The following CUX2 variants were observed in gnomAD, a reference collection of about 807,000 sequenced individuals.
CUX2 encodes the protein cut like homeobox 2.
A neutral mutation model predicts 144.8 loss-of-function variants in CUX2; 40 were observed. The observed-to-expected ratio is 0.28, with a 90% CI of 0.21 to 0.36. The LOEUF (loss-of-function observed/expected upper bound fraction) is 0.36. Ranked by LOEUF, CUX2 falls within the 10% of genes least tolerant of loss-of-function variation. CUX2 has a pLI of 1.00. For synonymous variants in CUX2, 827 were observed against 875.6 expected (o/e 0.94, Z 0.98); for missense variants, 1,615 against 1,994.0 (o/e 0.81, Z 3.62).
intron 2 of CUX2, among the ~76,000 whole-genome samples, chr12:111,217,043 A>C (rs777369619): frequency 1.3e-4 from 20 of 152,160 alleles, no homozygotes; most frequent in Non-Finnish European, 2.9e-4. Flanking sequence ...CTGGAGGATT[A>C]GGGTTGGAGT....
intron 1 of CUX2, among the ~76,000 whole-genome samples, chr12:111,137,575 C>T (rs762087183): frequency 6.6e-6 from 1 of 151,992 alleles, no homozygotes; most frequent in Non-Finnish European, 1.5e-5. Context: ...TGCAGTGGCC[C>T]AATCACAGTT....
At chr12:111,335,445 T>A (rs1362279789) in intron 19 of CUX2, among the ~76,000 whole-genome samples, 1 of 150,934 alleles carries the variant, frequency 6.6e-6, no homozygotes, top group Non-Finnish European at 1.5e-5. Flanking sequence ...GCCCGGTGCC[T>A]CACGCCTGTA....
intron 1 of CUX2, among the ~76,000 whole-genome samples, chr12:111,177,318 A>G (rs1411859994): frequency 2.0e-5 from 3 of 152,038 alleles, no homozygotes; most frequent in East Asian, 3.9e-4. Context: ...CCCTGCAGCC[A>G]TCTCTGCAAA....
At chr12:111,188,982 T>G (rs1879718721) in intron 1 of CUX2, among the ~76,000 whole-genome samples, 1 of 152,080 alleles carries the variant, frequency 6.6e-6, no homozygotes, top group South Asian at 2.1e-4. Flanking sequence ...CCCCAGAATA[T>G]TCACACAGAA....
In CUX2 at chr12:111,061,441, C is replaced by CT. The variant is rs1182850776; in HGVS notation, c.63+27206dup. On this transcript the variant is annotated intron_variant, in intron 1 of 21. Coordinates refer to ENST00000261726, the MANE Select transcript of CUX2 (RefSeq NM_015267.4). The surrounding 1 kb of genome is among the most constrained non-coding windows in gnomAD (Gnocchi z 4.2). ...CCCACGACTGCAAGTGAAAGAAGGG[C>CT]TTTTTAAAAGTAATTTTGCATTATG... Among the ~76,000 whole-genome samples, 1 of 152,090 alleles carries CT rather than the reference C, an allele frequency of 6.6e-6. No homozygotes were observed. Among genetic ancestry groups the CT allele is most frequent in the East Asian group, 1.9e-4 (1 of 5,190 alleles).
At chr12:111,276,732 C>A (rs192899166) in intron 4 of CUX2, among the ~76,000 whole-genome samples, 6 of 152,322 alleles carry the variant, frequency 3.9e-5, no homozygotes, top group East Asian at 1.9e-4. Context: ...CGGCTCACTG[C>A]AACCTCCTGG....
intron 7 of CUX2, among the ~76,000 whole-genome samples, chr12:111,296,147 C>A (rs1204455281): frequency 6.6e-6 from 1 of 152,060 alleles, no homozygotes; most frequent in Non-Finnish European, 1.5e-5. Flanking sequence ...GGGCTTATAC[C>A]CCAGGTCATG....
intron 1 of CUX2, among the ~76,000 whole-genome samples, chr12:111,166,449 C>G (rs552878722): frequency 1.3e-5 from 2 of 152,172 alleles, no homozygotes; most frequent in Non-Finnish European, 1.5e-5. Context: ...ATGGTAATAC[C>G]CAAACTAACA....
intron 3 of CUX2, among the ~76,000 whole-genome samples, chr12:111,244,084 C>A (rs188391137): frequency 6.6e-6 from 1 of 151,728 alleles, no homozygotes; most frequent in Non-Finnish European, 1.5e-5. Context: ...GGGTTATTAG[C>A]TTTTTGGGTT....
intron 3 of CUX2, among the ~76,000 whole-genome samples, chr12:111,236,868 G>A (rs141788112): frequency 5.9e-5 from 9 of 152,182 alleles, no homozygotes; most frequent in African/African-American, 1.7e-4. Flanking sequence ...CGGCAAAAGC[G>A]GCTGGGTGCA....
Position 111,295,215 on chromosome 12 carries a change from C to G in CUX2, c.561-118C>G. On this transcript the variant is annotated intron_variant, in intron 6 of 21. Coordinates refer to ENST00000261726, the MANE Select transcript of CUX2 (RefSeq NM_015267.4). This position sits in a 1 kb window ranked among gnomAD's most constrained non-coding sequence, Gnocchi z 5.0. ...TCGTGTCTAAGGACTTGCAGAAAGA[C>G]AGAGGTGCAGGTTACAGGGAGTGGG... 1 of 750,146 alleles carries G rather than the reference C, an allele frequency of 1.3e-6. No homozygotes were observed. Among genetic ancestry groups the G allele is most frequent in the Non-Finnish European group, 2.2e-6 (1 of 460,698 alleles). 46.5% of individuals were successfully genotyped at this position (750,146 alleles called of 1,614,324 possible).
chr12:111,293,637 G>A lies in CUX2; in HGVS notation c.560+68G>A, dbSNP rs1885812588. 1.3e-6 allele frequency: 2 copies of A among 1,516,680 alleles called. No homozygotes were observed. Among genetic ancestry groups the A allele is most frequent in the African/African-American group, 1.4e-5 (1 of 72,110 alleles). 94.0% of individuals were successfully genotyped at this position (1,516,680 alleles called of 1,614,324 possible). A position where few individuals can be genotyped will look rare whatever the true frequency, so the allele number is the denominator to read the frequency against. On this transcript the variant is annotated intron_variant, in intron 6 of 21. Transcript: ENST00000261726. This position sits in a 1 kb window ranked among gnomAD's most constrained non-coding sequence, Gnocchi z 4.5. ...GGGCTCCTGCTGCCCCACCTGGCTG[G>A]GTCGTGGACGGGGAAAGTCTCCTAC... is the stretch of plus-strand genomic sequence containing the variant.
Position 111,348,524 on chromosome 12 carries a change from A to G in CUX2, c.*199A>G. 1 of 589,728 alleles carries G rather than the reference A, an allele frequency of 1.7e-6. No homozygotes were observed. The highest frequency in any genetic ancestry group is 2.9e-5 in the East Asian group (1 of 34,404). The allele number at this position is 589,728 out of a possible 1,614,324, so 36.5% of individuals were successfully genotyped here. A position where few individuals can be genotyped will look rare whatever the true frequency, so the allele number is the denominator to read the frequency against. The stretch of plus-strand genomic sequence containing the variant: ...AGGTGGGTCAAATGCCATTGCCTCC[A>G]CTTTTCTGCACCCCCCTGCTCCTCT... On this transcript the variant is annotated 3_prime_UTR_variant, in exon 22 of 22. Coordinates refer to ENST00000261726, the MANE Select transcript of CUX2 (RefSeq NM_015267.4).
chr12:111,120,483 G>A (rs1333242523), intron 1 of CUX2, among the ~76,000 whole-genome samples: 1 of 152,036 alleles, frequency 6.6e-6, no homozygotes, highest in Non-Finnish European at 1.5e-5. Context: ...GAACCGTGTT[G>A]GCTCCCAGGC....
Position 111,338,311 on chromosome 12 carries a change from C to T in CUX2, c.3222C>T (p.Ile1074=), listed in dbSNP as rs1213145161. The change falls in exon 20 of 22, where the codon ATC becomes ATT. Residue 1074 remains isoleucine (I), a synonymous_variant. Coordinates refer to ENST00000261726, the MANE Select transcript of CUX2 (RefSeq NM_015267.4). ...NLGQRLFGES[I]LGLTQGSVSD... is the part of the protein sequence containing the mutation. ...GGCAGCGGCTGTTTGGGGAAAGCAT[C>T]CTGGGTCTGACACAGGGCTCCGTGT... 1.2e-6 allele frequency: 2 copies of T among 1,612,298 alleles called. No homozygotes were observed.
intron 19 of CUX2, among the ~76,000 whole-genome samples, chr12:111,336,748 C>A (rs1376668917): frequency 6.6e-6 from 1 of 151,960 alleles, no homozygotes; most frequent in African/African-American, 2.4e-5. Context: ...GTGCCCAGCC[C>A]ACACTTCAGT....
chr12:111,270,825 G>A (rs2136300724), intron 4 of CUX2, among the ~76,000 whole-genome samples: 1 of 152,222 alleles, frequency 6.6e-6, no homozygotes, highest in Middle Eastern at 3.4e-3. Flanking sequence ...TCTCTTGGGG[G>A]GGAGGCTGAT....
intron 1 of CUX2, among the ~76,000 whole-genome samples, chr12:111,123,421 C>T (rs1874820644): frequency 6.6e-6 from 1 of 152,108 alleles, no homozygotes; most frequent in African/African-American, 2.4e-5. Flanking sequence ...TGGTCTCAAG[C>T]AATCCACCAA....
At chr12:111,172,387 G>A (rs1029348030) in intron 1 of CUX2, among the ~76,000 whole-genome samples, 2 of 152,208 alleles carry the variant, frequency 1.3e-5, no homozygotes, top group East Asian at 1.9e-4. Context: ...TTAACAACCC[G>A]CTGGTTCTTG....
Sources: gnomAD v4.1 joint callset for allele counts (sites outside exome capture counted in the v4.1 genomes callset) on GRCh38, gnomAD v4.1.1 for gene constraint, Gnocchi (gnomAD v3.1) non-coding constraint, MANE v1.5 for transcripts, NCBI Gene and HGNC (gene_info 2026-07-23, HGNC 2026-07-21) for gene names.